DACH1: variants seen among roughly 807,000 people sequenced by gnomAD.
The protein encoded by DACH1 is dachshund homolog 1.
DACH1 carries 12 observed loss-of-function variants against 54.2 expected under a neutral mutation model. The ratio of observed to expected loss-of-function variants is 0.22; its 90% CI spans 0.14 to 0.36. The LOEUF is 0.36. Ranked by LOEUF, DACH1 falls within the 10% of genes least tolerant of loss-of-function variation. The pLI, the probability that DACH1 is intolerant of heterozygous loss-of-function variation, is 1.00. For synonymous variants in DACH1, 386 were observed against 366.2 expected (o/e 1.05, Z -0.62); for missense variants, 805 against 929.8 (o/e 0.87, Z 1.75).
intron 1 of DACH1, among the ~76,000 whole-genome samples, chr13:71,761,629 T>C (rs1173947904): frequency 6.6e-6 from 1 of 152,142 alleles, no homozygotes; most frequent in Non-Finnish European, 1.5e-5. Flanking sequence ...TCATCTGGGG[T>C]TGGGCAGGCA....
In DACH1 at chr13:71,706,401, C is replaced by A. The variant is rs560281169; in HGVS notation, c.849-24491G>T. Among the ~76,000 whole-genome samples the A allele has an allele frequency of 2.6e-5, 4 of 151,816 alleles. No homozygotes were observed. The East Asian group carries it at 5.8e-4, about 22-fold the overall frequency. On this transcript the variant is annotated intron_variant, in intron 1 of 10. Transcript: ENST00000613252. Reference sequence around the variant, plus strand: ...TAATAACAGCCTGCTTAATTGAAATCCCAACAAAGATAGCATATTTGCAAA... The same window carrying A: ...TAATAACAGCCTGCTTAATTGAAATACCAACAAAGATAGCATATTTGCAAA...
chr13:71,438,540 A>G lies in DACH1; in HGVS notation c.*2115T>C, dbSNP rs1873711692. 1.3e-5 allele frequency: 2 copies of G among 152,434 alleles called. No individual in the cohort carries two copies. The highest frequency in any genetic ancestry group is 6.6e-5 in the Admixed American group (1 of 15,256). 9.4% of individuals were successfully genotyped at this position (152,434 alleles called of 1,614,324 possible). A position where few individuals can be genotyped will look rare whatever the true frequency, so the allele number is the denominator to read the frequency against. ...AAAATTTCCTTTTATTTCAAATCAA[A>G]CACTAAAGCATTCTCAAAGGTCTTC... is the stretch of plus-strand genomic sequence containing the variant. On this transcript the variant is annotated 3_prime_UTR_variant, in exon 11 of 11. Transcript: ENST00000613252.
intron 3 of DACH1, among the ~76,000 whole-genome samples, chr13:71,610,415 G>A (rs949757736): frequency 4.6e-5 from 7 of 152,098 alleles, no homozygotes; most frequent in African/African-American, 1.4e-4. Context: ...GCAAAGAAGT[G>A]GGAAAATCTA....
At chr13:71,710,350 T>C in intron 1 of DACH1, among the ~76,000 whole-genome samples, 1 of 152,178 alleles carries the variant, frequency 6.6e-6, no homozygotes, top group East Asian at 1.9e-4. Context: ...CCACGCAAAT[T>C]GGACCATTGA....
At chr13:71,506,929 G>A (rs1279316885) in intron 6 of DACH1, among the ~76,000 whole-genome samples, 55 of 150,788 alleles carry the variant, frequency 3.6e-4, no homozygotes, top group African/African-American at 9.0e-4. Flanking sequence ...AGACTTAAAC[G>A]TTAGACCTAA....
intron 1 of DACH1, among the ~76,000 whole-genome samples, chr13:71,787,740 A>G (rs373763319): frequency 5.9e-5 from 9 of 152,120 alleles, no homozygotes; most frequent in African/African-American, 2.2e-4. Context: ...GTCTTAAATG[A>G]GTATTCCCGG....
intron 3 of DACH1, among the ~76,000 whole-genome samples, chr13:71,589,109 A>ACT (rs1873506436): frequency 6.6e-6 from 1 of 152,060 alleles, no homozygotes; most frequent in Non-Finnish European, 1.5e-5. Context: ...AATTTTTAAT[A>ACT]GTAACTCAAA....
At chr13:71,793,017 C>G (rs528382014) in intron 1 of DACH1, among the ~76,000 whole-genome samples, 1 of 152,208 alleles carries the variant, frequency 6.6e-6, no homozygotes, top group African/African-American at 2.4e-5. Flanking sequence ...GTGTGGTAGC[C>G]TCTTTCAATT....
chr13:71,559,768 GC>G, intron 5 of DACH1, 51 bp downstream of exon 5: 1 of 1,610,790 alleles, frequency 6.2e-7, no homozygotes. Context: ...AGAAAATCCA[GC>G]TGAACCCTAA....
intron 5 of DACH1, among the ~76,000 whole-genome samples, chr13:71,558,316 A>G (rs1262477524): frequency 6.6e-6 from 1 of 152,010 alleles, no homozygotes; most frequent in Non-Finnish European, 1.5e-5. Context: ...ATTACTTTAA[A>G]GTAATATGTT....
rs115488817 is a variant in DACH1, at chr13:71,640,239, G to A, written c.965-9522C>T. Among the ~76,000 whole-genome samples the A allele has an allele frequency of 2.2e-3, 329 of 152,044 alleles. 1 individual carries two copies. Among genetic ancestry groups the A allele is most frequent in the African/African-American group, 7.5e-3 (313 of 41,522 alleles). On this transcript the variant is annotated intron_variant, in intron 2 of 10. Coordinates refer to ENST00000613252, the MANE Select transcript of DACH1 (RefSeq NM_080759.6). Reference sequence around the variant, plus strand: ...TAGCTTATGGATTGTATAGAAAGTCGAAGTTATAGACACTCAGGTATGTCA... The same window carrying A: ...TAGCTTATGGATTGTATAGAAAGTCAAAGTTATAGACACTCAGGTATGTCA...
At chr13:71,496,991 A>G (rs891797452) in intron 6 of DACH1, among the ~76,000 whole-genome samples, 2 of 152,184 alleles carry the variant, frequency 1.3e-5, no homozygotes, top group African/African-American at 4.8e-5. Context: ...TGGTAAAATG[A>G]AAAGCAAACC....
Position 71,790,608 on chromosome 13 carries a change from G to T in DACH1, c.848+75314C>A, listed in dbSNP as rs188641745. Among the ~76,000 whole-genome samples the T allele has an allele frequency of 2.7e-3, 412 of 152,244 alleles. 3 individuals are homozygous for T. The highest frequency in any genetic ancestry group is 8.7e-3 in the South Asian group (42 of 4,824). ...AGAGTTAAATATTATGAGAACCAAA[G>T]TAGTATAATGAGAGCTACCAAAAAG... On this transcript the variant is annotated intron_variant, in intron 1 of 10. Transcript: ENST00000613252.
At chr13:71,694,945 A>G (rs1881744243) in intron 1 of DACH1, among the ~76,000 whole-genome samples, 1 of 152,196 alleles carries the variant, frequency 6.6e-6, no homozygotes, top group Non-Finnish European at 1.5e-5. Flanking sequence ...TCCATTTTAT[A>G]AGTGTGGAAA....
rs1325908740 is a variant in DACH1, at chr13:71,866,732, A to G, written c.38T>C (p.Leu13Pro). The G allele has an allele frequency of 6.9e-7, 1 of 1,439,762 alleles. No homozygotes were observed. Among genetic ancestry groups the G allele is most frequent in the Non-Finnish European group, 9.2e-7 (1 of 1,087,364 alleles). The allele number at this position is 1,439,762 out of a possible 1,614,324, so 89.2% of individuals were successfully genotyped here. A position where few individuals can be genotyped will look rare whatever the true frequency, so the allele number is the denominator to read the frequency against. The change falls in exon 1 of 11, where the codon CTG becomes CCG. Residue 13 changes from leucine (L) to proline (P), a missense_variant. This residue lies in a region of DACH1 where 305 missense variants were observed against 308.7 expected (regional missense o/e 0.99). Coordinates refer to ENST00000613252, the MANE Select transcript of DACH1 (RefSeq NM_080759.6). ...GGAGATTGGGGGTTGAGGGGGGACC[A>G]GCTGGGTCGGAGGGATCAAAGCCGC... is the stretch of plus-strand genomic sequence containing the variant. ...VPAALIPPTQ[L>P]VPPQPPISTS...
intron 10 of DACH1, among the ~76,000 whole-genome samples, chr13:71,451,122 T>A (rs1006006192): frequency 1.3e-5 from 2 of 152,162 alleles, no homozygotes; most frequent in Non-Finnish European, 2.9e-5. Flanking sequence ...AATTATATGA[T>A]TAATGTTAAG....
chr13:71,585,770 TAGTC>T (rs1179717472), intron 3 of DACH1, among the ~76,000 whole-genome samples: 3 of 152,134 alleles, frequency 2.0e-5, no homozygotes, highest in African/African-American at 4.8e-5. Flanking sequence ...ATGTATCAGA[TAGTC>T]AGAAGGAGGA....
chr13:71,445,099 C>T (rs1874333223), intron 10 of DACH1, among the ~76,000 whole-genome samples: 1 of 152,084 alleles, frequency 6.6e-6, no homozygotes, highest in South Asian at 2.1e-4. Flanking sequence ...GAAGAGGCAG[C>T]TGCCTCTTTC....
intron 6 of DACH1, among the ~76,000 whole-genome samples, chr13:71,505,152 G>A (rs1489290073): frequency 2.0e-5 from 3 of 151,882 alleles, no homozygotes; most frequent in Admixed American, 6.6e-5. Flanking sequence ...GCAAGATCTC[G>A]GTTCACTGCA....
Sources: allele counts gnomAD v4.1 joint callset (sites outside exome capture counted in the v4.1 genomes callset), GRCh38; gene constraint gnomAD v4.1.1; regional missense constraint gnomAD v4.1.1; transcripts MANE v1.5; gene names NCBI Gene and HGNC (gene_info 2026-07-23, HGNC 2026-07-21).